Variants in SNX31 observed in about 807,000 individuals in gnomAD.
SNX31 encodes the protein sorting nexin-31.
Under a neutral mutation model 65.4 loss-of-function variants are expected in SNX31, and 58 were observed. That is an observed-to-expected ratio of 0.89 (90% CI 0.72 to 1.10). The LOEUF (loss-of-function observed/expected upper bound fraction) is 1.10, where lower values mean the gene tolerates loss of function less well. Among genes scored for constraint, SNX31 ranks in the 50% least tolerant of loss-of-function variants. The probability of loss-of-function intolerance (pLI) is 0.00; values close to 1 mark genes in which losing one functional copy is unlikely to be tolerated. For missense variants in SNX31, 523 were observed against 529.7 expected, an observed-to-expected ratio of 0.99 and a Z score of 0.12; for synonymous variants, 181 against 190.1, an observed-to-expected ratio of 0.95 and a Z score of 0.39.
At chr8:100,627,700 G>A (rs570440558) in intron 4 of SNX31, among the ~76,000 whole-genome samples, 1 of 151,968 alleles carries the variant, frequency 6.6e-6, no homozygotes, top group East Asian at 1.9e-4. Context: ...CACCACGACC[G>A]GCTAAATTTT....
At chr8:100,583,269 G>C (rs1813720246) in intron 12 of SNX31, among the ~76,000 whole-genome samples, 1 of 151,700 alleles carries the variant, frequency 6.6e-6, no homozygotes. Context: ...ACCACACCCA[G>C]TTAATTTCGT....
intron 3 of SNX31, among the ~76,000 whole-genome samples, chr8:100,633,560 T>C (rs367877732): frequency 7.6e-4 from 116 of 152,192 alleles, no homozygotes; most frequent in African/African-American, 2.4e-3. Context: ...CGTGCCACCA[T>C]GGTCAGCTAA....
intron 8 of SNX31, 57 bp from the exon 9 acceptor site, chr8:100,600,498 CA>C: frequency 6.5e-6 from 9 of 1,394,734 alleles, no homozygotes; most frequent in Non-Finnish European, 9.0e-6. Context: ...ATCAATCTGA[CA>C]AAAACATACT....
At chr8:100,618,335 T>C in intron 4 of SNX31, 1 of 1,534,924 alleles carries the variant, frequency 6.5e-7, no homozygotes, top group Non-Finnish European at 8.7e-7. Context: ...ACTTGCCCAG[T>C]TTTCAGTATT....
chr8:100,587,775 A>T (rs958942481), intron 11 of SNX31, among the ~76,000 whole-genome samples: 1 of 152,242 alleles, frequency 6.6e-6, no homozygotes, highest in Non-Finnish European at 1.5e-5. Context: ...TAAGGTGTAT[A>T]TGAAACATAA....
chr8:100,617,874 C>A, intron 4 of SNX31, 144 bp from the exon 5 acceptor site: 1 of 711,358 alleles, frequency 1.4e-6, no homozygotes, highest in Non-Finnish European at 2.2e-6. Context: ...AAGTGATTCT[C>A]CTTCCTCAGC....
At position 100,594,429 on chromosome 8, in the gene SNX31, G is replaced by C. The variant is rs1814873209; in HGVS notation, c.978+2210C>G. On this transcript the variant is annotated intron_variant, in intron 10 of 13. Coordinates refer to ENST00000311812, the MANE Select transcript of SNX31 (RefSeq NM_152628.4). This position sits in a 1 kb window ranked among gnomAD's most constrained non-coding sequence, Gnocchi z 4.0. ...AGAACAAGTATCTAGAATACATAAAGAACTCTCAACACTCAACAGTAAAAA... is the reference window on the plus strand; with the variant it reads ...AGAACAAGTATCTAGAATACATAAACAACTCTCAACACTCAACAGTAAAAA... 6.6e-6 allele frequency among the ~76,000 whole-genome samples: 1 copy of C among 152,090 alleles called. No individual in the cohort carries two copies. Among genetic ancestry groups the C allele is most frequent in the South Asian group, 2.1e-4 (1 of 4,830 alleles).
chr8:100,644,579 G>T (rs890583971), intron 2 of SNX31, among the ~76,000 whole-genome samples: 1 of 152,242 alleles, frequency 6.6e-6, no homozygotes, highest in Non-Finnish European at 1.5e-5. Context: ...CTGGGGACAG[G>T]ACTGCAGGTG....
Position 100,660,450 on chromosome 8 carries a change from C to T in SNX31, c.-58+2692G>A, listed in dbSNP as rs973941234. Among the ~76,000 whole-genome samples the T allele has an allele frequency of 3.9e-5, 6 of 152,186 alleles. No homozygotes were observed. The highest frequency in any genetic ancestry group is 4.8e-5 in the African/African-American group (2 of 41,446). On this transcript the variant is annotated intron_variant, in intron 1 of 5. Transcript: ENST00000520352. The surrounding 1 kb of genome is among the most constrained non-coding windows in gnomAD (Gnocchi z 4.1). ...ATCAGCCACTAATGTATGCTGTTTC[C>T]TGTAAAGACAATGTTTTACCCATGC... is the stretch of plus-strand genomic sequence containing the variant.
At chr8:100,652,915 A>ACAT (rs1819999709), upstream of SNX31, among the ~76,000 whole-genome samples, 1 of 152,168 alleles carries the variant, frequency 6.6e-6, no homozygotes, top group Admixed American at 6.5e-5. Context: ...GGTGTTGCGC[A>ACAT]CATCACCCCA....
intron 13 of SNX31, among the ~76,000 whole-genome samples, chr8:100,574,506 G>A (rs1047253265): frequency 2.6e-5 from 4 of 151,956 alleles, no homozygotes; most frequent in African/African-American, 7.3e-5. Flanking sequence ...GGTGGCTGGC[G>A]CCTGTGGTCC....
rs1450889472 is a variant in SNX31, at chr8:100,596,672, C to T, written c.945G>A (p.Met315Ile). Reference protein sequence around the residue: ...DSQTQDIVFQMSRVKCWQVTF... With the variant: ...DSQTQDIVFQISRVKCWQVTF... ...TGACCTGCCAGCACTTCACCCTGCT[C>T]ATCTGGAAAACGATGTCCTGGGTCT... The change falls in exon 10 of 14, where the codon ATG (methionine) becomes ATA (isoleucine). Residue 315 changes from methionine to isoleucine, a missense_variant. Met to Ile is a conservative substitution (Grantham distance 10). Coordinates refer to ENST00000311812, the MANE Select transcript of SNX31 (RefSeq NM_152628.4). The T allele has an allele frequency of 1.2e-6, 2 of 1,614,070 alleles. No individual in the cohort carries two copies. Among genetic ancestry groups the T allele is most frequent in the Admixed American group, 1.7e-5 (1 of 59,990 alleles).
intron 4 of SNX31, among the ~76,000 whole-genome samples, chr8:100,627,893 GA>G (rs1587005946): frequency 6.7e-6 from 1 of 150,212 alleles, no homozygotes; most frequent in East Asian, 2.0e-4. Flanking sequence ...AAATTTACAA[GA>G]AAAAAACAAA....
chr8:100,596,829 G>A lies in SNX31; in HGVS notation c.788C>T (p.Ala263Val), dbSNP rs1563529281. ...EDSQTKFLEL[A>V]REVRHYGYLQ... ...GTATCCATAGTGCCGTACCTCCCGG[G>A]CCAGCTCCAAAAACTGCTCCAAAGA... is the stretch of plus-strand genomic sequence containing the variant. The change falls in exon 10 of 14, where the codon GCC becomes GTC. Residue 263 changes from alanine to valine, a missense_variant. Transcript: ENST00000311812. The A allele has an allele frequency of 6.2e-7, 1 of 1,613,636 alleles. No homozygotes were observed. The highest frequency in any genetic ancestry group is 8.5e-7 in the Non-Finnish European group (1 of 1,180,010).
intron 10 of SNX31, among the ~76,000 whole-genome samples, chr8:100,596,131 A>T (rs1815068830): frequency 6.6e-6 from 1 of 152,184 alleles, no homozygotes; most frequent in South Asian, 2.1e-4. Context: ...CACTTAGCTC[A>T]CTGGGGTCTT....
Position 100,649,435 on chromosome 8 carries a change from AGCCCTGGGC to A in SNX31, c.66+5_66+13del. 1 of 938,410 alleles carries A rather than the reference AGCCCTGGGC, an allele frequency of 1.1e-6. No homozygotes were observed. Among genetic ancestry groups the A allele is most frequent in the Non-Finnish European group, 1.6e-6 (1 of 634,276 alleles). 58.1% of individuals were successfully genotyped at this position (938,410 alleles called of 1,614,324 possible). A position where few individuals can be genotyped will look rare whatever the true frequency, so the allele number is the denominator to read the frequency against. ...CCCCCTCCCTGCCCACCCTGACCCC[AGCCCTGGGC>A]GCACCACGTAGCGGCCCCCCAGCGC... On this transcript the variant is annotated splice_donor_5th_base_variant and intron_variant, in intron 1 of 13. Transcript: ENST00000311812.
intron 1 of SNX31, among the ~76,000 whole-genome samples, chr8:100,658,912 G>A (rs538780642): frequency 2.6e-5 from 4 of 152,292 alleles, no homozygotes; most frequent in South Asian, 2.1e-4. Context: ...TAGGCTTGGC[G>A]GAATTCAAAT....
Position 100,577,014 on chromosome 8 carries a change from C to A in SNX31, c.1227+5G>T. On this transcript the variant is annotated splice_donor_5th_base_variant and intron_variant, in intron 13 of 13. Coordinates refer to ENST00000311812, the MANE Select transcript of SNX31 (RefSeq NM_152628.4). ...TGTACCAATTACATAATTTTACTCA[C>A]AGACCTGGCTTTGTTGAATGTGGTA... is the stretch of plus-strand genomic sequence containing the variant. 1.2e-6 allele frequency: 2 copies of A among 1,610,620 alleles called. No individual in the cohort carries two copies. Among genetic ancestry groups the A allele is most frequent in the Non-Finnish European group, 1.7e-6 (2 of 1,177,828 alleles).
intron 10 of SNX31, among the ~76,000 whole-genome samples, chr8:100,591,563 G>A (rs1814595020): frequency 6.6e-6 from 1 of 152,062 alleles, no homozygotes; most frequent in African/African-American, 2.4e-5. Context: ...GCCAGGCATG[G>A]GGGCTCATGC....
Sources: gnomAD v4.1 joint callset for allele counts (sites outside exome capture counted in the v4.1 genomes callset) on GRCh38, gnomAD v4.1.1 for gene constraint, Gnocchi (gnomAD v3.1) non-coding constraint, MANE v1.5 for transcripts, NCBI Gene and HGNC (gene_info 2026-07-23, HGNC 2026-07-21) for gene names.